Variants in IGF1R observed in about 807,000 individuals in gnomAD.
The protein encoded by IGF1R is insulin-like growth factor 1 receptor.
A neutral mutation model predicts 144.6 loss-of-function variants in IGF1R; 44 were observed. The observed-to-expected ratio is 0.30, with a 90% CI of 0.24 to 0.39. IGF1R has a LOEUF of 0.39. Ranked by LOEUF, IGF1R falls within the 10% of genes least tolerant of loss-of-function variation. The probability of loss-of-function intolerance (pLI) is 1.00; values close to 1 mark genes in which losing one functional copy is unlikely to be tolerated. For synonymous variants in IGF1R, 795 were observed against 722.8 expected, an observed-to-expected ratio of 1.10 and a Z score of -1.60; for missense variants, 1,355 against 1,833.7, an observed-to-expected ratio of 0.74 and a Z score of 4.77.
intron 3 of IGF1R, 69 bp from the exon 4 acceptor site, chr15:98,896,688 T>G: frequency 6.8e-7 from 1 of 1,476,960 alleles, no homozygotes; most frequent in Non-Finnish European, 9.4e-7. Context: ...CATATCCTTA[T>G]GGTTTTTTTA....
intron 2 of IGF1R, among the ~76,000 whole-genome samples, chr15:98,754,087 T>G (rs1448240643): frequency 6.6e-6 from 1 of 152,254 alleles, no homozygotes; most frequent in Admixed American, 6.5e-5. Flanking sequence ...TTCCTGTTGA[T>G]AATTTTTTTC....
chr15:98,961,849 C>T lies in IGF1R; in HGVS notation c.*4407C>T. Reference sequence around the variant, plus strand: ...ATGGAAGACCGTGTTCGTGGCCGACCTGGCCTCTCCTGGCCTGTTTCTTAA... The same window carrying T: ...ATGGAAGACCGTGTTCGTGGCCGACTTGGCCTCTCCTGGCCTGTTTCTTAA... On this transcript the variant is annotated 3_prime_UTR_variant, in exon 21 of 21. Transcript: ENST00000650285. 4.3e-6 allele frequency: 1 copy of T among 233,298 alleles called. No homozygotes were observed. Among genetic ancestry groups the T allele is most frequent in the African/African-American group, 2.2e-5 (1 of 45,446 alleles). The allele number at this position is 233,298 out of a possible 1,614,324, so 14.5% of individuals were successfully genotyped here.
intron 3 of IGF1R, 48 bp from the exon 4 acceptor site, chr15:98,896,705 GAAGA>G: frequency 1.3e-6 from 2 of 1,575,760 alleles, no homozygotes; most frequent in Non-Finnish European, 1.7e-6. Flanking sequence ...TTTAATGCAA[GAAGA>G]CAGACTCAAT....
intron 7 of IGF1R, among the ~76,000 whole-genome samples, chr15:98,911,657 T>C (rs1158361757): frequency 6.6e-6 from 1 of 152,196 alleles, no homozygotes; most frequent in Non-Finnish European, 1.5e-5. Context: ...GGGAAAGTGT[T>C]AGCTCGAGGC....
At chr15:98,764,061 T>C (rs766458050) in intron 2 of IGF1R, among the ~76,000 whole-genome samples, 6 of 152,336 alleles carry the variant, frequency 3.9e-5, no homozygotes, top group Non-Finnish European at 8.8e-5. Flanking sequence ...TGGCATCCGA[T>C]TTGTTCTTGT....
Position 98,649,108 on chromosome 15 carries a change from C to G in IGF1R, c.-474C>G, listed in dbSNP as rs2052272222. ...GCCCCTCGCCGGCCTCGCCTGTGAC[C>G]CGGACTTCGGGGCGATCTTGCGAAC... On this transcript the variant is annotated 5_prime_UTR_variant, in exon 1 of 21. Transcript: ENST00000650285. 4.6e-6 allele frequency: 1 copy of G among 218,732 alleles called. No homozygotes were observed. The highest frequency in any genetic ancestry group is 9.2e-6 in the Non-Finnish European group (1 of 109,040). 13.5% of individuals were successfully genotyped at this position (218,732 alleles called of 1,614,324 possible). A position where few individuals can be genotyped will look rare whatever the true frequency, so the allele number is the denominator to read the frequency against.
intron 1 of IGF1R, among the ~76,000 whole-genome samples, chr15:98,663,799 G>A (rs903708053): frequency 1.3e-5 from 2 of 152,212 alleles, no homozygotes; most frequent in Non-Finnish European, 2.9e-5. Context: ...CAACGCGGCA[G>A]GGCTCTTTCC....
intron 2 of IGF1R, among the ~76,000 whole-genome samples, chr15:98,768,482 G>A (rs1392814811): frequency 6.6e-6 from 1 of 151,300 alleles, no homozygotes; most frequent in African/African-American, 2.4e-5. Flanking sequence ...GGGCGTGGTG[G>A]TGCGTGCCTA....
intron 2 of IGF1R, among the ~76,000 whole-genome samples, chr15:98,784,224 C>G (rs560215893): frequency 6.6e-6 from 1 of 151,914 alleles, no homozygotes; most frequent in African/African-American, 2.4e-5. Flanking sequence ...CGTGAGCCAC[C>G]GTGCCCGGCC....
rs749920743 is a variant in IGF1R, at chr15:98,649,656, C to T, written c.75C>T (p.Leu25=). 3.0e-5 allele frequency: 48 copies of T among 1,610,114 alleles called. No homozygotes were observed. Among genetic ancestry groups the T allele is most frequent in the Non-Finnish European group, 3.9e-5 (46 of 1,178,640 alleles). Residue 25 remains leucine (L), a synonymous_variant, in exon 1 of 21, where the codon CTC becomes CTT. Transcript: ENST00000650285. ...TGTTTCTCTCCGCCGCGCTCTCGCT[C>T]TGGCCGACGAGTGGAGAAAGTGAGT... ...GLLFLSAALS[L]WPTSGEICGP...
chr15:98,931,587 A>G (rs528932359), intron 15 of IGF1R, among the ~76,000 whole-genome samples: 64 of 152,238 alleles, frequency 4.2e-4, no homozygotes, highest in African/African-American at 1.4e-3. Context: ...TAATAGTAAT[A>G]TATATATACA....
At chr15:98,805,041 AAGT>A (rs2056442844) in intron 2 of IGF1R, among the ~76,000 whole-genome samples, 1 of 152,162 alleles carries the variant, frequency 6.6e-6, no homozygotes, top group Non-Finnish European at 1.5e-5. Flanking sequence ...CACAGATAAG[AAGT>A]ACAGGATAAT....
intron 15 of IGF1R, among the ~76,000 whole-genome samples, chr15:98,933,420 A>G (rs2715448): frequency 5.9e-5 from 9 of 151,802 alleles, no homozygotes; most frequent in African/African-American, 1.9e-4. Flanking sequence ...CTCAGCTCCC[A>G]GTAGCCTCAA....
chr15:98,707,779 G>A lies in IGF1R; in HGVS notation c.312G>A (p.Thr104=), dbSNP rs762675180. ...ESLGDLFPNL[T]VIRGWKLFYN... ...TCGGAGACCTCTTCCCCAACCTCAC[G>A]GTCATCCGCGGCTGGAAACTCTTCT... The change falls in exon 2 of 21, where the codon ACG becomes ACA. Residue 104 remains threonine, a synonymous_variant. Transcript: ENST00000650285. The surrounding 1 kb of genome is among the most constrained non-coding windows in gnomAD (Gnocchi z 6.7). 3 of 1,614,148 alleles carry A rather than the reference G, an allele frequency of 1.9e-6. No individual in the cohort carries two copies. The highest frequency in any genetic ancestry group is 1.3e-5 in the African/African-American group (1 of 75,002).
intron 2 of IGF1R, among the ~76,000 whole-genome samples, chr15:98,802,423 A>G (rs1360932257): frequency 6.6e-6 from 1 of 152,186 alleles, no homozygotes; most frequent in Admixed American, 6.5e-5. Flanking sequence ...TGCTAGCCCT[A>G]GTTTTACAGC....
At chr15:98,661,652 C>T (rs969171510) in intron 1 of IGF1R, among the ~76,000 whole-genome samples, 1 of 152,180 alleles carries the variant, frequency 6.6e-6, no homozygotes, top group Non-Finnish European at 1.5e-5. Flanking sequence ...GCCTTGTCCC[C>T]TCAAACAATT....
intron 2 of IGF1R, among the ~76,000 whole-genome samples, chr15:98,740,065 A>G (rs75094590): frequency 2.0e-5 from 3 of 152,328 alleles, no homozygotes; most frequent in Non-Finnish European, 4.4e-5. Context: ...TAGGGAATAA[A>G]TTTCAGAGCA....
At chr15:98,700,804 C>A (rs2053712358) in intron 1 of IGF1R, among the ~76,000 whole-genome samples, 1 of 152,076 alleles carries the variant, frequency 6.6e-6, no homozygotes, top group African/African-American at 2.4e-5. Context: ...TGGCAAGACC[C>A]TGCTCATCTT....
chr15:98,808,563 C>T (rs1001171899), intron 2 of IGF1R, among the ~76,000 whole-genome samples: 9 of 152,040 alleles, frequency 5.9e-5, no homozygotes, highest in Admixed American at 4.6e-4. Context: ...TTAGGATTTT[C>T]GGTGCTGGAG....
Sources: gnomAD v4.1 joint callset for allele counts (sites outside exome capture counted in the v4.1 genomes callset) on GRCh38, gnomAD v4.1.1 for gene constraint, Gnocchi (gnomAD v3.1) non-coding constraint, MANE v1.5 for transcripts, NCBI Gene and HGNC (gene_info 2026-07-23, HGNC 2026-07-21) for gene names.